GLIS2: variants seen among roughly 807,000 people sequenced by gnomAD.
GLIS2 encodes the protein zinc finger protein GLIS2.
In GLIS2, 14 loss-of-function variants were observed where a neutral mutation model predicts 35.6. The ratio of observed to expected loss-of-function variants is 0.39; its 90% CI spans 0.26 to 0.61. The LOEUF (loss-of-function observed/expected upper bound fraction) is 0.61, where lower values mean the gene tolerates loss of function less well. GLIS2 is among the 20% of genes least tolerant of loss of function. The pLI is 0.48. For synonymous variants in GLIS2, 368 were observed against 325.1 expected (o/e 1.13, Z -1.42); for missense variants, 675 against 713.4 (o/e 0.95, Z 0.61).
intron 1 of GLIS2, among the ~76,000 whole-genome samples, chr16:4,330,109 G>A (rs1050855017): frequency 1.3e-5 from 2 of 151,976 alleles, no homozygotes; most frequent in East Asian, 1.9e-4. Flanking sequence ...AAACGCTGTC[G>A]CTACTAAAAA....
chr16:4,331,888 G>A (rs2053499770), intron 1 of GLIS2: 2 of 340,676 alleles, frequency 5.9e-6, no homozygotes, highest in African/African-American at 2.1e-5. Flanking sequence ...GGTCGAGGCT[G>A]CAGTGAGCTA....
At chr16:4,336,531 G>A in intron 6 of GLIS2, 194 bp from the exon 7 acceptor site, 2 of 673,612 alleles carry the variant, frequency 3.0e-6, no homozygotes, top group East Asian at 2.7e-5. Flanking sequence ...GAGTCAACCA[G>A]GCTGAGTTTT....
chr16:4,336,871 A>G lies in GLIS2; in HGVS notation c.922A>G (p.Ser308Gly). The G allele has an allele frequency of 1.9e-6, 3 of 1,613,372 alleles. No homozygotes were observed. Among genetic ancestry groups the G allele is most frequent in the Non-Finnish European group, 2.5e-6 (3 of 1,180,012 alleles). ...PGCHKRYTDP[S>G]SLRKHIKAHG... ...CTGCCACAAGCGCTACACGGACCCC[A>G]GCTCACTGCGCAAGCACATCAAGGC... The change falls in exon 7 of 7, where the codon AGC becomes GGC. Residue 308 changes from serine to glycine, a missense_variant. This residue lies in a region of GLIS2 where 133 missense variants were observed against 191.4 expected (regional missense o/e 0.69). Coordinates refer to ENST00000433375, the MANE Select transcript of GLIS2 (RefSeq NM_032575.3).
At chr16:4,317,059 C>T (rs2053321189) in intron 1 of GLIS2, among the ~76,000 whole-genome samples, 1 of 152,122 alleles carries the variant, frequency 6.6e-6, no homozygotes, top group South Asian at 2.1e-4. Flanking sequence ...GCAGGGTACT[C>T]GGGCCACAGC....
At chr16:4,317,240 T>A (rs1480231843) in intron 1 of GLIS2, among the ~76,000 whole-genome samples, 1 of 152,150 alleles carries the variant, frequency 6.6e-6, no homozygotes, top group Non-Finnish European at 1.5e-5. Flanking sequence ...CCCAGGATCT[T>A]GGCTCTGGAG....
At position 4,335,335 on chromosome 16, in the gene GLIS2, C is replaced by T. The variant is rs2053539085; in HGVS notation, c.717C>T (p.Thr239=). The stretch of plus-strand genomic sequence containing the variant: ...ACGAGAAGCCACACCGCTGTCCGAC[C>T]TGCAGCAAGAGCTTCTCCCGCCTGG... ...HTNEKPHRCP[T]CSKSFSRLEN... is the part of the protein sequence containing the mutation. The change falls in exon 6 of 7, where the codon ACC becomes ACT. Residue 239 remains threonine (T), a synonymous_variant. Transcript: ENST00000433375. The surrounding 1 kb of genome is among the most constrained non-coding windows in gnomAD (Gnocchi z 4.6). 2 of 1,613,854 alleles carry T rather than the reference C, an allele frequency of 1.2e-6. No homozygotes were observed. Among genetic ancestry groups the T allele is most frequent in the East Asian group, 4.5e-5 (2 of 44,878 alleles).
Position 4,337,299 on chromosome 16 carries a change from G to A in GLIS2, c.1350G>A (p.Ser450=), listed in dbSNP as rs150464446. Residue 450 remains serine, a synonymous_variant, in exon 7 of 7, where the codon TCG becomes TCA. Transcript: ENST00000433375. Reference sequence around the variant, plus strand: ...CCGAGGGGGAGAAGGGGCGTGGGTCGGTGCCCACCAGGGCCCTGGGCATGG... The same window carrying A: ...CCGAGGGGGAGAAGGGGCGTGGGTCAGTGCCCACCAGGGCCCTGGGCATGG... ...GKAEGEKGRG[S]VPTRALGMEG... 723 of 1,560,060 alleles carry A rather than the reference G, an allele frequency of 4.6e-4. 9 individuals carry two copies. The East Asian group carries it at 0.013, about 29-fold the overall frequency.
intron 3 of GLIS2, among the ~76,000 whole-genome samples, chr16:4,334,238 CTT>C (rs781643023): frequency 3.5e-4 from 42 of 120,240 alleles, no homozygotes; most frequent in Middle Eastern, 6.8e-3. Context: ...TGTGCCCGGC[CTT>C]TTTTTTTTTT....
At chr16:4,331,637 G>A (rs561732315) in intron 1 of GLIS2, 35 of 157,644 alleles carry the variant, frequency 2.2e-4, no homozygotes, top group Admixed American at 4.2e-4. Flanking sequence ...GATCTGAGGC[G>A]ATGCCTGTAA....
Position 4,330,166 on chromosome 16 carries a change from A to G in GLIS2, c.-66-2049A>G, listed in dbSNP as rs536378088. 3.4e-4 allele frequency among the ~76,000 whole-genome samples: 52 copies of G among 152,098 alleles called. No homozygotes were observed. The Middle Eastern group carries it at 0.01, about 30-fold the overall frequency. On this transcript the variant is annotated intron_variant, in intron 1 of 6. Coordinates refer to ENST00000433375, the MANE Select transcript of GLIS2 (RefSeq NM_032575.3). ...ATGGTGTACACCTGTAATCCCAGCT[A>G]CTTGGGAGGCTGAGGCAGGACAATC...
chr16:4,335,904 C>G lies in GLIS2; in HGVS notation c.775+511C>G, dbSNP rs2053546193. The G allele has an allele frequency of 5.3e-6, 1 of 188,196 alleles. No homozygotes were observed. The highest frequency in any genetic ancestry group is 1.1e-5 in the Non-Finnish European group (1 of 88,834). 11.7% of individuals were successfully genotyped at this position (188,196 alleles called of 1,614,324 possible). A position where few individuals can be genotyped will look rare whatever the true frequency, so the allele number is the denominator to read the frequency against. ...GAAGTTCTTCATTTCATGACAAAGC[C>G]TCAAGGAGCTGATGTGTATGTTTTT... On this transcript the variant is annotated intron_variant, in intron 6 of 6. Coordinates refer to ENST00000433375, the MANE Select transcript of GLIS2 (RefSeq NM_032575.3). This position sits in a 1 kb window ranked among gnomAD's most constrained non-coding sequence, Gnocchi z 4.6.
chr16:4,335,279 A>G lies in GLIS2; in HGVS notation c.661A>G (p.Lys221Glu). Residue 221 changes from lysine (K) to glutamate (E), a missense_variant, in exon 6 of 7, where the codon AAG becomes GAG. Physicochemically the swap from Lys to Glu is moderately conservative, Grantham distance 56 (BLOSUM62 1). This residue lies in a region of GLIS2 where 133 missense variants were observed against 191.4 expected (regional missense o/e 0.69). Transcript: ENST00000433375. The surrounding 1 kb of genome is among the most constrained non-coding windows in gnomAD (Gnocchi z 4.6). The part of the protein sequence containing the change: ...RHGRGFNARY[K>E]MLIHIRTHTN... ...CCCCCGCCCTCCCTGGAGCAGGTAC[A>G]AGATGCTCATCCACATCCGCACACA... 1 of 1,613,852 alleles carries G rather than the reference A, an allele frequency of 6.2e-7. No homozygotes were observed. The highest frequency in any genetic ancestry group is 8.5e-7 in the Non-Finnish European group (1 of 1,180,026).
upstream of GLIS2, among the ~76,000 whole-genome samples, chr16:4,315,967 C>T (rs2053305608): frequency 1.4e-5 from 2 of 147,792 alleles, no homozygotes; most frequent in Non-Finnish European, 3.0e-5. Context: ...TCGCCCTCCT[C>T]CGCGGCCGGC....
At chr16:4,328,983 G>C (rs1367934029) in intron 1 of GLIS2, 1 of 152,176 alleles carries the variant, frequency 6.6e-6, no homozygotes, top group Non-Finnish European at 1.5e-5. Context: ...GGGTGGGGGT[G>C]GGGGTGAGGA....
chr16:4,321,449 A>G (rs369305370), intron 1 of GLIS2, among the ~76,000 whole-genome samples: 3 of 152,342 alleles, frequency 2.0e-5, no homozygotes, highest in East Asian at 1.9e-4. Flanking sequence ...GAATGAATAC[A>G]TGAATGAGAC....
chr16:4,324,023 A>T (rs1208831665), intron 1 of GLIS2, among the ~76,000 whole-genome samples: 1 of 152,148 alleles, frequency 6.6e-6, no homozygotes, highest in African/African-American at 2.4e-5. Context: ...ACGCAGAAAA[A>T]AGATCCCTGG....
chr16:4,327,655 A>G (rs13337483), intron 1 of GLIS2, among the ~76,000 whole-genome samples: 44,008 of 151,246 alleles, frequency 0.29, 10,611 homozygotes, highest in African/African-American at 0.67. Flanking sequence ...TGTCTCGGCC[A>G]GGGTGGCGGG....
In GLIS2 at chr16:4,337,567, G is replaced by C; in HGVS notation, c.*43G>C. On this transcript the variant is annotated 3_prime_UTR_variant, in exon 7 of 7. Transcript: ENST00000433375. Reference sequence around the variant, plus strand: ...TTGTGGTGCCCCCCCGGCAGCTCCCGGCACTGCCCCCGACGAACGGAAACT... The same window carrying C: ...TTGTGGTGCCCCCCCGGCAGCTCCCCGCACTGCCCCCGACGAACGGAAACT... 6.5e-7 allele frequency: 1 copy of C among 1,538,432 alleles called. No individual in the cohort carries two copies. Among genetic ancestry groups the C allele is most frequent in the Non-Finnish European group, 8.7e-7 (1 of 1,147,678 alleles).
chr16:4,333,752 C>CTCTG (rs2053521682), intron 3 of GLIS2, among the ~76,000 whole-genome samples: 1 of 152,156 alleles, frequency 6.6e-6, no homozygotes, highest in Admixed American at 6.5e-5. Flanking sequence ...TCACTCCAGG[C>CTCTG]TCTGCCCTGT....
Sources: allele counts gnomAD v4.1 joint callset (sites outside exome capture counted in the v4.1 genomes callset), GRCh38; gene constraint gnomAD v4.1.1; regional missense constraint gnomAD v4.1.1; non-coding constraint Gnocchi (gnomAD v3.1); transcripts MANE v1.5; gene names NCBI Gene and HGNC (gene_info 2026-07-23, HGNC 2026-07-21).